SAXO1: variants seen among roughly 807,000 people sequenced by gnomAD.
The protein encoded by SAXO1 is 4930500O09Rik.
In SAXO1, 21 loss-of-function variants were observed where a neutral mutation model predicts 17.5. That is an observed-to-expected ratio of 1.20 (90% CI 0.85 to 1.72). The LOEUF is 1.72. Among genes scored for constraint, SAXO1 ranks in the 40% most tolerant of loss-of-function variants. The probability of loss-of-function intolerance (pLI) is 0.00; values close to 1 mark genes in which losing one functional copy is unlikely to be tolerated. For missense variants in SAXO1, 843 were observed against 596.0 expected (o/e 1.41, Z -4.32); for synonymous variants, 274 against 216.5 (o/e 1.27, Z -2.33).
chr9:18,940,588 C>G (rs1435955876), intron 3 of SAXO1, among the ~76,000 whole-genome samples: 1 of 152,190 alleles, frequency 6.6e-6, no homozygotes, highest in Non-Finnish European at 1.5e-5. Context: ...AAAAGTGGCC[C>G]TCTCTATTCA....
At chr9:18,989,625 G>C (rs1035356931) in intron 1 of SAXO1, among the ~76,000 whole-genome samples, 2 of 151,360 alleles carry the variant, frequency 1.3e-5, no homozygotes, top group Non-Finnish European at 2.9e-5. Flanking sequence ...GTACTTTCAG[G>C]CTTTTAAAAA....
intron 1 of SAXO1, among the ~76,000 whole-genome samples, chr9:19,012,258 CT>C (rs1279227777): frequency 1.3e-5 from 2 of 152,158 alleles, no homozygotes; most frequent in East Asian, 3.8e-4. Flanking sequence ...GATTTAGAGC[CT>C]TTTTCTCTCA....
intron 1 of SAXO1, among the ~76,000 whole-genome samples, chr9:18,954,769 G>C (rs183265948): frequency 6.6e-6 from 1 of 152,228 alleles, no homozygotes; most frequent in East Asian, 1.9e-4. Context: ...TAGGATAGGC[G>C]TCTATCACTT....
intron 1 of SAXO1, among the ~76,000 whole-genome samples, chr9:19,020,246 T>C (rs1170811201): frequency 6.6e-6 from 1 of 152,166 alleles, no homozygotes. Context: ...CCATTATGAC[T>C]ATGTGTAATT....
intron 1 of SAXO1, among the ~76,000 whole-genome samples, chr9:18,964,142 G>A (rs1832616531): frequency 6.6e-6 from 1 of 152,174 alleles, no homozygotes; most frequent in South Asian, 2.1e-4. Context: ...TGGTGGATAA[G>A]CTTTTTGATG....
chr9:19,026,602 G>T (rs1034009315), intron 1 of SAXO1, among the ~76,000 whole-genome samples: 1 of 152,194 alleles, frequency 6.6e-6, no homozygotes, highest in African/African-American at 2.4e-5. Flanking sequence ...GGAAAAGAGA[G>T]GCTAAAATCA....
In SAXO1 at chr9:18,928,681, T is replaced by C; in HGVS notation, c.796A>G (p.Met266Val). 6.2e-7 allele frequency: 1 copy of C among 1,614,090 alleles called. No individual in the cohort carries two copies. Among genetic ancestry groups the C allele is most frequent in the South Asian group, 1.1e-5 (1 of 91,084 alleles). ...KPLARPPGLD[M>V]PFCNTTEFRD... ...AACTCAGTGGTGTTACAGAAAGGCA[T>C]GTCTAGCCCAGGAGGCCTGGCTAGA... Residue 266 changes from methionine (M) to valine (V), a missense_variant, in exon 4 of 4, where the codon ATG (methionine) becomes GTG (valine). By Grantham distance (21) the Met-to-Val change is conservative (BLOSUM62 1). Transcript: ENST00000380534.
At chr9:18,997,442 G>A (rs183679938) in intron 1 of SAXO1, among the ~76,000 whole-genome samples, 48 of 152,346 alleles carry the variant, frequency 3.2e-4, no homozygotes, top group African/African-American at 1.1e-3. Context: ...TGCTCACAGT[G>A]TAAACAAAGA....
rs142377072 is a variant in SAXO1, at chr9:19,021,347, C to T, written c.38+11524G>A. Among the ~76,000 whole-genome samples the T allele has an allele frequency of 1.1e-3, 172 of 152,294 alleles. 2 individuals carry two copies. In the East Asian group the frequency reaches 0.013, roughly 12 times the overall value. On this transcript the variant is annotated intron_variant, in intron 1 of 3. Coordinates refer to ENST00000380534, the MANE Select transcript of SAXO1 (RefSeq NM_153707.4). ...CAGACACCGCAAGAGCCATAAGGTC[C>T]GAGAAAGACACATACTCCCAACTAG...
intron 1 of SAXO1, among the ~76,000 whole-genome samples, chr9:18,960,322 C>T (rs1465137008): frequency 6.6e-6 from 1 of 152,178 alleles, no homozygotes; most frequent in African/African-American, 2.4e-5. Flanking sequence ...AGCCAATCCT[C>T]TGGGGGAAGG....
chr9:18,948,075 G>A (rs1162994950), intron 2 of SAXO1, among the ~76,000 whole-genome samples: 1 of 152,232 alleles, frequency 6.6e-6, no homozygotes, highest in Non-Finnish European at 1.5e-5. Context: ...GCAGAGGGGT[G>A]ACGACAATCT....
intron 1 of SAXO1, among the ~76,000 whole-genome samples, chr9:18,963,983 G>GT (rs1196751607): frequency 6.6e-6 from 1 of 152,132 alleles, no homozygotes; most frequent in Admixed American, 6.5e-5. Context: ...TTTACTGAGA[G>GT]TTTTTTAATT....
At chr9:18,988,625 G>A (rs1247849110) in intron 1 of SAXO1, among the ~76,000 whole-genome samples, 2 of 152,132 alleles carry the variant, frequency 1.3e-5, no homozygotes, top group African/African-American at 4.8e-5. Context: ...TAAAGCACTT[G>A]GGCCCTTTGG....
rs895036243 is a variant in SAXO1, at chr9:19,026,860, C to T, written c.38+6011G>A. The T allele has an allele frequency of 1.5e-5, 10 of 656,156 alleles. No individual in the cohort carries two copies. In the Admixed American group the frequency reaches 1.9e-4, roughly 12 times the overall value. The allele number at this position is 656,156 out of a possible 1,614,324, so 40.6% of individuals were successfully genotyped here. A position where few individuals can be genotyped will look rare whatever the true frequency, so the allele number is the denominator to read the frequency against. Reference sequence around the variant, plus strand: ...CCTGGCCAACATGGTGAAACCCCATCTCTACTAAAAATTCAAAAACTAGAA... The same window carrying T: ...CCTGGCCAACATGGTGAAACCCCATTTCTACTAAAAATTCAAAAACTAGAA... On this transcript the variant is annotated intron_variant, in intron 1 of 3. Coordinates refer to ENST00000380534, the MANE Select transcript of SAXO1 (RefSeq NM_153707.4).
At chr9:19,035,191 C>A (rs1403363262), upstream of SAXO1, among the ~76,000 whole-genome samples, 1 of 152,216 alleles carries the variant, frequency 6.6e-6, no homozygotes, top group Non-Finnish European at 1.5e-5. Context: ...CAAATCTAAT[C>A]TTGAATTGTA....
At chr9:19,027,912 C>A in intron 1 of SAXO1, 1 of 1,376,968 alleles carries the variant, frequency 7.3e-7, no homozygotes, top group Non-Finnish European at 1.0e-6. Flanking sequence ...CAGAATCATG[C>A]AGATCCACTC....
rs544643344 is a variant in SAXO1 at position 19,028,214 on chromosome 9, A to AC, written c.38+4656_38+4657insG. ...TAGAGGCAAAATAAAACAAAACAAA[A>AC]AAAATACAAAAATTAGCCGGCCGTA... On this transcript the variant is annotated intron_variant, in intron 1 of 3. Coordinates refer to ENST00000380534, the MANE Select transcript of SAXO1 (RefSeq NM_153707.4). 1.6e-4 allele frequency: 160 copies of AC among 1,007,088 alleles called. 2 individuals carry two copies. In the African/African-American group the frequency reaches 1.8e-3, roughly 11 times the overall value. 62.4% of individuals were successfully genotyped at this position (1,007,088 alleles called of 1,614,324 possible). A position where few individuals can be genotyped will look rare whatever the true frequency, so the allele number is the denominator to read the frequency against.
At chr9:18,982,623 A>G (rs1278780962) in intron 1 of SAXO1, among the ~76,000 whole-genome samples, 2 of 152,180 alleles carry the variant, frequency 1.3e-5, no homozygotes, top group Non-Finnish European at 2.9e-5. Flanking sequence ...TGGGAGGGAG[A>G]GCAATAAGCT....
chr9:18,998,485 CTGAT>C (rs527547517), intron 1 of SAXO1, among the ~76,000 whole-genome samples: 2 of 152,164 alleles, frequency 1.3e-5, no homozygotes, highest in Non-Finnish European at 2.9e-5. Context: ...AAATCTATGT[CTGAT>C]TGGTGTACCT....
Sources: gnomAD v4.1 joint callset for allele counts (sites outside exome capture counted in the v4.1 genomes callset) on GRCh38, gnomAD v4.1.1 for gene constraint, MANE v1.5 for transcripts, NCBI Gene and HGNC (gene_info 2026-07-23, HGNC 2026-07-21) for gene names.